The following RTBDN variants were observed in gnomAD, a reference collection of about 807,000 sequenced individuals.
The protein encoded by RTBDN is retbindin.
A neutral mutation model predicts 21.9 loss-of-function variants in RTBDN; 24 were observed. That is an observed-to-expected ratio of 1.10 (90% CI 0.79 to 1.54). RTBDN has a LOEUF of 1.54. RTBDN is among the 40% of genes most tolerant of loss of function. The pLI is 0.00. For synonymous variants in RTBDN, 141 were observed against 125.9 expected (o/e 1.12, Z -0.80); for missense variants, 325 against 315.2 (o/e 1.03, Z -0.23).
intron 1 of RTBDN, among the ~76,000 whole-genome samples, chr19:12,833,562 A>G (rs1253239846): frequency 6.6e-6 from 1 of 151,854 alleles, no homozygotes; most frequent in African/African-American, 2.4e-5. Flanking sequence ...TCTCTGGGGG[A>G]TGAATGTAGA....
Position 12,828,805 on chromosome 19 carries a change from C to T in RTBDN, c.255-38G>A, listed in dbSNP as rs760799123. 3 of 1,613,574 alleles carry T rather than the reference C, an allele frequency of 1.9e-6. No individual in the cohort carries two copies. In the East Asian group the frequency reaches 6.7e-5, roughly 36 times the overall value. On this transcript the variant is annotated intron_variant, in intron 3 of 5. Transcript: ENST00000674343. ...AGAGATAGGGTCGGATGGGTCAGGA[C>T]CCGAGGGAGTTCCTGGGCAATGGGC...
At position 12,825,683 on chromosome 19, in the gene RTBDN, C is replaced by T; in HGVS notation, c.*23G>A. On this transcript the variant is annotated 3_prime_UTR_variant, in exon 6 of 6. Coordinates refer to ENST00000674343, the MANE Select transcript of RTBDN (RefSeq NM_001270441.2). ...GCGGGGCTGGGGGAAGGGTCGCTCCCCCAACTCAGGGCCACGCGTCCGCTA... is the reference window on the plus strand; with the variant it reads ...GCGGGGCTGGGGGAAGGGTCGCTCCTCCAACTCAGGGCCACGCGTCCGCTA... The T allele has an allele frequency of 3.2e-6, 5 of 1,548,628 alleles. No homozygotes were observed. The highest frequency in any genetic ancestry group is 4.4e-6 in the Non-Finnish European group (5 of 1,147,324).
chr19:12,828,762 TCG>T lies in RTBDN; in HGVS notation c.258_259del (p.Cys86Ter), dbSNP rs2145853325. On this transcript the variant is annotated stop_gained and frameshift_variant, in exon 4 of 6. Coordinates refer to ENST00000674343, the MANE Select transcript of RTBDN (RefSeq NM_001270441.2). LOFTEE classifies it high-confidence loss of function. ...ACGTTGGAGGTGTTCCAGGAAGGAT[TCG>T]CATCTGGACGTTGGGAGAGATAGGG... 1.2e-6 allele frequency: 2 copies of T among 1,614,202 alleles called. No individual in the cohort carries two copies.
At chr19:12,833,684 G>T (rs1055446015) in intron 1 of RTBDN, among the ~76,000 whole-genome samples, 1 of 151,956 alleles carries the variant, frequency 6.6e-6, no homozygotes, top group Non-Finnish European at 1.5e-5. Flanking sequence ...TCTCTCGGCA[G>T]CTTGGCTCCC....
chr19:12,827,014 C>T lies in RTBDN; in HGVS notation c.366-143G>A, dbSNP rs1024362093. The T allele has an allele frequency of 7.8e-5, 50 of 640,774 alleles. 1 individual carries two copies. The highest frequency in any genetic ancestry group is 1.2e-4 in the South Asian group (7 of 57,832). The allele number at this position is 640,774 out of a possible 1,614,324, so 39.7% of individuals were successfully genotyped here. The stretch of plus-strand genomic sequence containing the variant: ...TAGAACCACTCCCCTGCTAACTAAC[C>T]CCATCTCTCCAGATTTCACCCTGCC... On this transcript the variant is annotated intron_variant, in intron 4 of 5. Coordinates refer to ENST00000674343, the MANE Select transcript of RTBDN (RefSeq NM_001270441.2).
chr19:12,834,690 C>G, upstream of RTBDN: 1 of 1,559,842 alleles, frequency 6.4e-7, no homozygotes, highest in South Asian at 1.1e-5. This position sits in a 1 kb window ranked among gnomAD's most constrained non-coding sequence, Gnocchi z 4.7. Flanking sequence ...TGCGCAGGCG[C>G]AGGAGCCGTG....
rs760500774 is a variant in RTBDN, at chr19:12,830,588, G to A, written c.-18-591C>T. 25 of 985,466 alleles carry A rather than the reference G, an allele frequency of 2.5e-5. No homozygotes were observed. The highest frequency in any genetic ancestry group is 6.1e-5 in the Admixed American group (1 of 16,286). The allele number at this position is 985,466 out of a possible 1,614,324, so 61.0% of individuals were successfully genotyped here. On this transcript the variant is annotated intron_variant, in intron 1 of 5. Transcript: ENST00000674343. This position sits in a 1 kb window ranked among gnomAD's most constrained non-coding sequence, Gnocchi z 4.2. ...GTGGAGACAAGACTGTCCCCTTCCC[G>A]CCTCCCCGCATTCAGCCCCTCACCT...
At chr19:12,831,123 G>A (rs930808787) in intron 1 of RTBDN, among the ~76,000 whole-genome samples, 2 of 151,160 alleles carry the variant, frequency 1.3e-5, no homozygotes, top group Non-Finnish European at 2.9e-5. Flanking sequence ...AATAAAACAG[G>A]ATCTTAATAA....
Position 12,825,792 on chromosome 19 carries a change from G to T in RTBDN, c.604C>A (p.Pro202Thr), listed in dbSNP as rs28582260. Residue 202 changes from proline to threonine, a missense_variant, in exon 6 of 6, where the codon CCC becomes ACC. Pro to Thr is a conservative substitution (Grantham distance 38). Coordinates refer to ENST00000674343, the MANE Select transcript of RTBDN (RefSeq NM_001270441.2). ...CGAGGGCTGCGGGAACGCCGGGAGG[G>T]AGCTTCCCGGCCCCGTCGTCCTGGT... Reference protein sequence around the residue: ...PRPGRRGREAPSRRSRSPRTS... With the variant: ...PRPGRRGREATSRRSRSPRTS... The T allele has an allele frequency of 1.5e-4, 249 of 1,611,216 alleles. No homozygotes were observed. In the African/African-American group the frequency reaches 3.2e-3, roughly 20 times the overall value.
In RTBDN at chr19:12,828,695, G is replaced by T; in HGVS notation, c.327C>A (p.Arg109=). 1 of 1,614,226 alleles carries T rather than the reference G, an allele frequency of 6.2e-7. No homozygotes were observed. The highest frequency in any genetic ancestry group is 8.5e-7 in the Non-Finnish European group (1 of 1,180,034). ...SRFRLRLLGV[R]QAQPLCEELC... ...GCTCCTCGCAGAGCGGCTGTGCCTG[G>T]CGTACCCCCAATAGCCGCAGGCGGA... Residue 109 remains arginine, a synonymous_variant, in exon 4 of 6, where the codon CGC becomes CGA. Transcript: ENST00000674343.
At chr19:12,827,949 C>T (rs1007706120) in intron 4 of RTBDN, among the ~76,000 whole-genome samples, 4 of 151,788 alleles carry the variant, frequency 2.6e-5, no homozygotes, top group Admixed American at 6.6e-5. Flanking sequence ...AAAATTTAGC[C>T]GGGCGTGGTG....
chr19:12,828,699 A>G lies in RTBDN; in HGVS notation c.323T>C (p.Val108Ala). The change falls in exon 4 of 6, where the codon GTA becomes GCA. Residue 108 changes from valine to alanine, a missense_variant. By Grantham distance (64) the Val-to-Ala change is moderately conservative. Transcript: ENST00000674343. ...RSRFRLRLLG[V>A]RQAQPLCEEL... ...CTCGCAGAGCGGCTGTGCCTGGCGT[A>G]CCCCCAATAGCCGCAGGCGGAAGCG... 1 of 1,614,158 alleles carries G rather than the reference A, an allele frequency of 6.2e-7. No individual in the cohort carries two copies.
chr19:12,834,759 C>A, upstream of RTBDN: 2 of 1,612,550 alleles, frequency 1.2e-6, no homozygotes, highest in South Asian at 1.1e-5. The surrounding 1 kb of genome is among the most constrained non-coding windows in gnomAD (Gnocchi z 4.7). Flanking sequence ...AAGGCGGGGA[C>A]AAACTCAGGT....
intron 4 of RTBDN, among the ~76,000 whole-genome samples, chr19:12,827,320 ATTTT>A (rs34634301): frequency 2.5e-5 from 3 of 120,330 alleles, no homozygotes; most frequent in Admixed American, 8.9e-5. Flanking sequence ...TGTCCGATTA[ATTTT>A]TTTTTTTTTT....
In RTBDN at chr19:12,828,646, G is replaced by T. The variant is rs759133205; in HGVS notation, c.365+11C>A. ...GTCACAACCCACGCCCCTTGCCCCCGCGTCTCCTACCAGGCCTGGCAGAGC... is the reference window on the plus strand; with the variant it reads ...GTCACAACCCACGCCCCTTGCCCCCTCGTCTCCTACCAGGCCTGGCAGAGC... On this transcript the variant is annotated intron_variant, in intron 4 of 5. Transcript: ENST00000674343. 1 of 1,601,964 alleles carries T rather than the reference G, an allele frequency of 6.2e-7. No individual in the cohort carries two copies. The highest frequency in any genetic ancestry group is 8.5e-7 in the Non-Finnish European group (1 of 1,172,000).
intron 5 of RTBDN, chr19:12,826,400 G>T: frequency 6.3e-6 from 8 of 1,272,738 alleles, no homozygotes; most frequent in Non-Finnish European, 8.1e-6. Flanking sequence ...CGGTAAGAAA[G>T]AACTTGGTGG....
rs1228258751 is a variant in RTBDN at position 12,829,813 on chromosome 19, G to A, written c.167C>T (p.Ala56Val). The change falls in exon 2 of 6, where the codon GCA (alanine) becomes GTA (valine). Residue 56 changes from alanine to valine, a missense_variant and splice_region_variant. Coordinates refer to ENST00000674343, the MANE Select transcript of RTBDN (RefSeq NM_001270441.2). ...GAGGCAGGGTCTGGGGTGCTCACCT[G>A]CCAGGTGCAGCTTGCCTTTGCCCAG... ...ADLGKGKLHL[A>V]GPCCPSEMDT... is the part of the protein sequence containing the mutation. 8 of 1,609,460 alleles carry A rather than the reference G, an allele frequency of 5.0e-6. No individual in the cohort carries two copies. Among genetic ancestry groups the A allele is most frequent in the Non-Finnish European group, 6.8e-6 (8 of 1,176,222 alleles).
Position 12,825,888 on chromosome 19 carries a change from C to T in RTBDN, c.508G>A (p.Ala170Thr), listed in dbSNP as rs1453988245. Residue 170 changes from alanine (A) to threonine (T), a missense_variant, in exon 6 of 6, where the codon GCC (alanine) becomes ACC (threonine). Ala to Thr is a moderately conservative substitution (Grantham distance 58). Coordinates refer to ENST00000674343, the MANE Select transcript of RTBDN (RefSeq NM_001270441.2). The stretch of plus-strand genomic sequence containing the variant: ...GCTCCAGGAGCAGCCACCGGTAGGG[C>T]GTGGCCCAGAGCCGAGCGACAAAGG... Reference protein sequence around the residue: ...TDLCRSALGHALPVAAPGARH... With the variant: ...TDLCRSALGHTLPVAAPGARH... 1.2e-6 allele frequency: 2 copies of T among 1,612,472 alleles called. No individual in the cohort carries two copies. The highest frequency in any genetic ancestry group is 1.7e-5 in the Admixed American group (1 of 59,804).
At chr19:12,826,026 G>C in intron 5 of RTBDN, 93 bp from the exon 6 acceptor site, 1 of 1,443,478 alleles carries the variant, frequency 6.9e-7, no homozygotes, top group South Asian at 1.5e-5. Context: ...AATTCCTTAG[G>C]GATTGGGGTC....
Sources: allele counts gnomAD v4.1 joint callset (sites outside exome capture counted in the v4.1 genomes callset), GRCh38; gene constraint gnomAD v4.1.1; non-coding constraint Gnocchi (gnomAD v3.1); transcripts MANE v1.5; gene names NCBI Gene and HGNC (gene_info 2026-07-23, HGNC 2026-07-21).